The following PPP6R3 variants were observed in gnomAD, a reference collection of about 807,000 sequenced individuals.
PPP6R3 encodes the protein serine/threonine-protein phosphatase 6 regulatory subunit 3.
A neutral mutation model predicts 110.7 loss-of-function variants in PPP6R3; 38 were observed. The observed-to-expected ratio is 0.34, with a 90% CI of 0.26 to 0.45. The LOEUF is 0.45. PPP6R3 is among the 20% of genes least tolerant of loss of function. PPP6R3 has a pLI of 1.00. For missense variants in PPP6R3, 870 were observed against 1,062.4 expected (o/e 0.82, Z 2.52); for synonymous variants, 369 against 373.5 (o/e 0.99, Z 0.14).
At chr11:68,470,208 A>C (rs1038380832) in intron 1 of PPP6R3, among the ~76,000 whole-genome samples, 4 of 152,228 alleles carry the variant, frequency 2.6e-5, no homozygotes, top group African/African-American at 9.6e-5. Context: ...TAATACAAAC[A>C]GGGAGAAAAG....
At chr11:68,462,537 T>C (rs1440368377) in intron 1 of PPP6R3, among the ~76,000 whole-genome samples, 2 of 125,394 alleles carry the variant, frequency 1.6e-5, no homozygotes, top group African/African-American at 7.3e-5. Context: ...TAGGGTTTCT[T>C]AGTGTAAGTC....
At chr11:68,521,865 G>A (rs937201995) in intron 2 of PPP6R3, among the ~76,000 whole-genome samples, 3 of 152,048 alleles carry the variant, frequency 2.0e-5, no homozygotes, top group Non-Finnish European at 4.4e-5. Flanking sequence ...TATTCTAGGG[G>A]GATAATATTT....
intron 1 of PPP6R3, among the ~76,000 whole-genome samples, chr11:68,496,807 T>C (rs1158572454): frequency 1.3e-5 from 2 of 151,820 alleles, no homozygotes; most frequent in Non-Finnish European, 2.9e-5. Flanking sequence ...GTTGTTTGTC[T>C]TTATTACTAA....
chr11:68,593,974 G>A (rs1319403840), intron 18 of PPP6R3, among the ~76,000 whole-genome samples: 1 of 152,100 alleles, frequency 6.6e-6, no homozygotes, highest in Non-Finnish European at 1.5e-5. Flanking sequence ...AACAAAGATG[G>A]TCAGTTTGGA....
At chr11:68,542,402 T>G (rs866967185) in intron 3 of PPP6R3, among the ~76,000 whole-genome samples, 3 of 111,496 alleles carry the variant, frequency 2.7e-5, no homozygotes, top group Non-Finnish European at 5.8e-5. Context: ...TTTTTTTTTT[T>G]TTTTTTTTTA....
At chr11:68,594,838 T>G (rs2099608575) in intron 18 of PPP6R3, among the ~76,000 whole-genome samples, 1 of 152,148 alleles carries the variant, frequency 6.6e-6, no homozygotes, top group African/African-American at 2.4e-5. Flanking sequence ...AATTCAATAG[T>G]TAAAACAGTA....
chr11:68,587,205 AC>A (rs1331230876), intron 15 of PPP6R3: 65 of 145,150 alleles, frequency 4.5e-4, no homozygotes, highest in African/African-American at 1.6e-3. Context: ...TCAACTAAAA[AC>A]CCGAACAAGT....
At position 68,615,199 on chromosome 11, in the gene PPP6R3, A is replaced by G; in HGVS notation, c.*2082A>G. 1 of 409,452 alleles carries G rather than the reference A, an allele frequency of 2.4e-6. No homozygotes were observed. The highest frequency in any genetic ancestry group is 4.9e-6 in the Non-Finnish European group (1 of 204,818). The allele number at this position is 409,452 out of a possible 1,614,324, so 25.4% of individuals were successfully genotyped here. ...GAGGGGCCAAGCCAAGGACAGGAGC[A>G]AGTGTGCCCTCATTTTGTTTCTACT... On this transcript the variant is annotated 3_prime_UTR_variant, in exon 24 of 24. Coordinates refer to ENST00000393800, the MANE Select transcript of PPP6R3 (RefSeq NM_001164161.2).
rs1269664629 is a variant in PPP6R3 at position 68,603,503 on chromosome 11, G to A, written c.2450+11G>A. The A allele has an allele frequency of 5.0e-6, 8 of 1,613,906 alleles. No homozygotes were observed. In the East Asian group the frequency reaches 8.9e-5, roughly 18 times the overall value. On this transcript the variant is annotated intron_variant, in intron 22 of 23. Coordinates refer to ENST00000393800, the MANE Select transcript of PPP6R3 (RefSeq NM_001164161.2). Reference sequence around the variant, plus strand: ...TGCGGTCTTCAAAAGGTAACCAGGGGTGAGATCCTGCTGGTAGCTTCAGGT... The same window carrying A: ...TGCGGTCTTCAAAAGGTAACCAGGGATGAGATCCTGCTGGTAGCTTCAGGT...
intron 22 of PPP6R3, among the ~76,000 whole-genome samples, chr11:68,605,130 A>G (rs1201592040): frequency 1.3e-5 from 2 of 152,222 alleles, no homozygotes; most frequent in African/African-American, 4.8e-5. Flanking sequence ...GCTTGAGCCC[A>G]GGAGTTTGAG....
chr11:68,508,758 AAG>A (rs2099092188), intron 1 of PPP6R3, among the ~76,000 whole-genome samples: 1 of 151,896 alleles, frequency 6.6e-6, no homozygotes, highest in Non-Finnish European at 1.5e-5. Context: ...TACTGAAAAG[AAG>A]AGAAATCTTT....
intron 9 of PPP6R3, among the ~76,000 whole-genome samples, chr11:68,566,110 T>C (rs961464125): frequency 2.0e-5 from 3 of 152,226 alleles, no homozygotes; most frequent in East Asian, 1.9e-4. Context: ...CAGGTTTAGA[T>C]TGATCACATT....
At chr11:68,510,054 CTTTTTTTTTTT>C (rs372113258) in intron 1 of PPP6R3, among the ~76,000 whole-genome samples, 2 of 76,962 alleles carry the variant, frequency 2.6e-5, no homozygotes, top group African/African-American at 5.5e-5. Context: ...TGTGCTCGGC[CTTTTTTTTTTT>C]TTTTTTTTTT....
At chr11:68,471,008 C>T (rs912655563) in intron 1 of PPP6R3, among the ~76,000 whole-genome samples, 4 of 151,880 alleles carry the variant, frequency 2.6e-5, no homozygotes, top group African/African-American at 7.2e-5. Context: ...TTGGGCCGGG[C>T]GCGGTGGCTC....
intron 5 of PPP6R3, among the ~76,000 whole-genome samples, chr11:68,549,421 G>T (rs1401952255): frequency 6.6e-6 from 1 of 152,202 alleles, no homozygotes; most frequent in Non-Finnish European, 1.5e-5. Flanking sequence ...AGGTGTGCCA[G>T]GTGTGCATTT....
At chr11:68,481,098 T>C (rs890237368) in intron 1 of PPP6R3, among the ~76,000 whole-genome samples, 2 of 152,196 alleles carry the variant, frequency 1.3e-5, no homozygotes, top group Non-Finnish European at 2.9e-5. Context: ...GAGTAGAGTT[T>C]AGCATTTATA....
intron 1 of PPP6R3, among the ~76,000 whole-genome samples, chr11:68,481,162 T>A (rs1035730785): frequency 6.6e-6 from 1 of 152,152 alleles, no homozygotes; most frequent in Non-Finnish European, 1.5e-5. Flanking sequence ...TAAAAAAATA[T>A]TAAAAGCCTT....
intron 11 of PPP6R3, among the ~76,000 whole-genome samples, chr11:68,570,237 C>T (rs762022529): frequency 6.6e-6 from 1 of 152,110 alleles, no homozygotes; most frequent in Admixed American, 6.6e-5. Context: ...TTTGGCTGAC[C>T]AGAGTGTAGT....
At chr11:68,496,553 A>G (rs561628779) in intron 1 of PPP6R3, among the ~76,000 whole-genome samples, 1 of 151,546 alleles carries the variant, frequency 6.6e-6, no homozygotes, top group Admixed American at 6.6e-5. Flanking sequence ...GCTCGCTGCA[A>G]CCTCTGCCAC....
Sources: gnomAD v4.1 joint callset for allele counts (sites outside exome capture counted in the v4.1 genomes callset) on GRCh38, gnomAD v4.1.1 for gene constraint, MANE v1.5 for transcripts, NCBI Gene and HGNC (gene_info 2026-07-23, HGNC 2026-07-21) for gene names.